The following SKA1 variants were observed in gnomAD, a reference collection of about 807,000 sequenced individuals.
SKA1 encodes the protein spindle and kinetochore associated complex subunit 1.
In SKA1, 20 loss-of-function variants were observed where a neutral mutation model predicts 31.8. That is an observed-to-expected ratio of 0.63 (90% confidence interval 0.44 to 0.91). The LOEUF is 0.91. Among genes scored for constraint, SKA1 ranks in the 40% least tolerant of loss-of-function variants. The pLI, the probability that SKA1 is intolerant of heterozygous loss-of-function variation, is 0.00. For missense variants in SKA1, 253 were observed against 298.2 expected (o/e 0.85, Z 1.12); for synonymous variants, 88 against 100.5 (o/e 0.88, Z 0.74).
Position 50,392,298 on chromosome 18 carries a change from A to C in SKA1, c.*51A>C. On this transcript the variant is annotated 3_prime_UTR_variant, in exon 7 of 7. Coordinates refer to ENST00000285116, the MANE Select transcript of SKA1 (RefSeq NM_145060.4). ...CAACAGGGTATAGAGTATAGAGGCTATTTCTATAATTTTCTTATATATAAT... is the reference window on the plus strand; with the variant it reads ...CAACAGGGTATAGAGTATAGAGGCTCTTTCTATAATTTTCTTATATATAAT... 1 of 1,138,532 alleles carries C rather than the reference A, an allele frequency of 8.8e-7. No homozygotes were observed. Among genetic ancestry groups the C allele is most frequent in the African/African-American group, 1.6e-5 (1 of 61,658 alleles). The allele number at this position is 1,138,532 out of a possible 1,614,324, so 70.5% of individuals were successfully genotyped here. A position where few individuals can be genotyped will look rare whatever the true frequency, so the allele number is the denominator to read the frequency against.
Position 50,392,247 on chromosome 18 carries a change from A to T in SKA1, c.768A>T (p.Ter256CysextTer15). Residue 256 changes from the stop codon to cysteine (C), a stop_lost, in exon 7 of 7, where the codon TGA (stop) becomes TGT (cysteine). Coordinates refer to ENST00000285116, the MANE Select transcript of SKA1 (RefSeq NM_145060.4). ...GACTTACTCGTTATGTTATAACCTG[A>T]GTCCCTTGTGAACTTTTGAACATAC... ...GGGLTRYVIT[*>C] 6.4e-7 allele frequency: 1 copy of T among 1,551,164 alleles called. No homozygotes were observed. Among genetic ancestry groups the T allele is most frequent in the Non-Finnish European group, 8.7e-7 (1 of 1,153,910 alleles).
chr18:50,385,133 A>ATATTATTTTCAG (rs2041296480), intron 4 of SKA1, 83 bp from the exon 5 acceptor site: 2 of 1,132,066 alleles, frequency 1.8e-6, no homozygotes, highest in Admixed American at 5.0e-5. Flanking sequence ...TACGTATTTA[A>ATATTATTTTCAG]TATTATTTTC....
At chr18:50,382,019 C>A in intron 3 of SKA1, 110 bp from the exon 4 acceptor site, 1 of 695,724 alleles carries the variant, frequency 1.4e-6, no homozygotes, top group Non-Finnish European at 2.4e-6. Context: ...GCCACCGCGT[C>A]CAGCCACAGT....
At chr18:50,382,060 C>A in intron 3 of SKA1, 69 bp from the exon 4 acceptor site, 1 of 948,032 alleles carries the variant, frequency 1.1e-6, no homozygotes, top group Non-Finnish European at 1.6e-6. Context: ...GTTTTCCCTG[C>A]TCTTTAGAAT....
At chr18:50,376,043 T>C (rs1226954510) in intron 2 of SKA1, 125 bp downstream of exon 2, 27 of 584,952 alleles carry the variant, frequency 4.6e-5, no homozygotes, top group African/African-American at 7.6e-5. Context: ...TGCATAACGA[T>C]TTTTTAAATA....
At chr18:50,376,155 G>A (rs1347271330) in intron 2 of SKA1, among the ~76,000 whole-genome samples, 1 of 152,168 alleles carries the variant, frequency 6.6e-6, no homozygotes, top group East Asian at 1.9e-4. Context: ...GTTTTTCTGA[G>A]ACACATAGGC....
Position 50,391,213 on chromosome 18 carries a change from A to G in SKA1, c.539A>G (p.His180Arg), listed in dbSNP as rs1599732524. The G allele has an allele frequency of 4.4e-6, 7 of 1,606,876 alleles. No individual in the cohort carries two copies. The highest frequency in any genetic ancestry group is 5.9e-6 in the Non-Finnish European group (7 of 1,178,244). Residue 180 changes from histidine (H) to arginine (R), a missense_variant, in exon 6 of 7, where the codon CAT becomes CGT. By Grantham distance (29) the His-to-Arg change is conservative. Coordinates refer to ENST00000285116, the MANE Select transcript of SKA1 (RefSeq NM_145060.4). ...GTAATTAGTAAATATAAAATCCTAC[A>G]TCAGCCAAAAAAGTCTATGAATTCT... ...KAVISKYKIL[H>R]QPKKSMNSVT...
chr18:50,389,369 AC>A (rs2041337515), intron 5 of SKA1, among the ~76,000 whole-genome samples: 1 of 85,932 alleles, frequency 1.2e-5, no homozygotes, highest in African/African-American at 5.0e-5. Flanking sequence ...CATTTCCTTT[AC>A]CTTTCTTTTT....
chr18:50,382,764 G>T (rs2149320611), intron 4 of SKA1, among the ~76,000 whole-genome samples: 1 of 152,288 alleles, frequency 6.6e-6, no homozygotes, highest in South Asian at 2.1e-4. Flanking sequence ...TGGGCACAGT[G>T]GCTCACGCCT....
rs1219573330 is a variant in SKA1 at position 50,392,487 on chromosome 18, G to A, written c.*240G>A. Reference sequence around the variant, plus strand: ...AGGCTCAAGTGATCCTCCCACCTCAGCCCCCTGAATGGCTGGGACTACAAG... The same window carrying A: ...AGGCTCAAGTGATCCTCCCACCTCAACCCCCTGAATGGCTGGGACTACAAG... On this transcript the variant is annotated 3_prime_UTR_variant, in exon 7 of 7. Transcript: ENST00000285116. 2 of 262,366 alleles carry A rather than the reference G, an allele frequency of 7.6e-6. No individual in the cohort carries two copies. The highest frequency in any genetic ancestry group is 2.2e-5 in the African/African-American group (1 of 44,946). 16.3% of individuals were successfully genotyped at this position (262,366 alleles called of 1,614,324 possible).
chr18:50,380,344 T>G (rs2041253655), intron 3 of SKA1, 94 bp downstream of exon 3: 2 of 1,331,558 alleles, frequency 1.5e-6, no homozygotes, highest in Non-Finnish European at 2.0e-6. Context: ...GTTTATAATG[T>G]TTTTTGTTTA....
Position 50,392,528 on chromosome 18 carries a change from C to T in SKA1, c.*281C>T, listed in dbSNP as rs369695732. 1.7e-4 allele frequency: 33 copies of T among 199,030 alleles called. No homozygotes were observed. In the South Asian group the frequency reaches 5.9e-3, roughly 35 times the overall value. 12.3% of individuals were successfully genotyped at this position (199,030 alleles called of 1,614,324 possible). On this transcript the variant is annotated 3_prime_UTR_variant, in exon 7 of 7. Transcript: ENST00000285116. ...GGACTACAAGCGTGCGCCACCATGC[C>T]TGGCTAATTTTTGTATTTTTTGGAG...
chr18:50,385,905 T>C (rs1344370313), intron 5 of SKA1, among the ~76,000 whole-genome samples: 1 of 152,230 alleles, frequency 6.6e-6, no homozygotes, highest in African/African-American at 2.4e-5. Context: ...TTCCAGGGCT[T>C]TGCTAAACTT....
intron 3 of SKA1, 91 bp downstream of exon 3, chr18:50,380,341 A>G (rs1371304256): frequency 7.4e-7 from 1 of 1,342,338 alleles, no homozygotes; most frequent in Non-Finnish European, 9.9e-7. Context: ...TTTGTTTATA[A>G]TGTTTTTTGT....
In SKA1 at chr18:50,392,371, C is replaced by T; in HGVS notation, c.*124C>T. Reference sequence around the variant, plus strand: ...TGTTTCCTTTTTTTTTTTTTTGAGACAGGATCTTGCTTTGTCACCCAGGGG... The same window carrying T: ...TGTTTCCTTTTTTTTTTTTTTGAGATAGGATCTTGCTTTGTCACCCAGGGG... On this transcript the variant is annotated 3_prime_UTR_variant, in exon 7 of 7. Transcript: ENST00000285116. 1 of 571,452 alleles carries T rather than the reference C, an allele frequency of 1.7e-6. No individual in the cohort carries two copies. Among genetic ancestry groups the T allele is most frequent in the Admixed American group, 4.8e-5 (1 of 20,970 alleles). The allele number at this position is 571,452 out of a possible 1,614,324, so 35.4% of individuals were successfully genotyped here. A position where few individuals can be genotyped will look rare whatever the true frequency, so the allele number is the denominator to read the frequency against.
At chr18:50,384,262 A>ACC in intron 4 of SKA1, among the ~76,000 whole-genome samples, 1 of 152,330 alleles carries the variant, frequency 6.6e-6, no homozygotes, top group East Asian at 1.9e-4. Context: ...TATAAGAAAT[A>ACC]TTACAGGTAT....
At position 50,392,443 on chromosome 18, in the gene SKA1, A is replaced by G. The variant is rs2149324415; in HGVS notation, c.*196A>G. 6.1e-6 allele frequency: 2 copies of G among 330,416 alleles called. No individual in the cohort carries two copies. Among genetic ancestry groups the G allele is most frequent in the South Asian group, 3.0e-4 (2 of 6,612 alleles). The allele number at this position is 330,416 out of a possible 1,614,324, so 20.5% of individuals were successfully genotyped here. A position where few individuals can be genotyped will look rare whatever the true frequency, so the allele number is the denominator to read the frequency against. ...GAGTGCAGTGGCGCAAACATGGCTC[A>G]CTGCAGCCTCAACCTCCCAGGCTCA... On this transcript the variant is annotated 3_prime_UTR_variant, in exon 7 of 7. Coordinates refer to ENST00000285116, the MANE Select transcript of SKA1 (RefSeq NM_145060.4).
At chr18:50,376,920 T>C (rs2041221717) in intron 2 of SKA1, among the ~76,000 whole-genome samples, 1 of 152,102 alleles carries the variant, frequency 6.6e-6, no homozygotes, top group Non-Finnish European at 1.5e-5. Context: ...GTCTTCCACA[T>C]TCACATCTTG....
At chr18:50,375,506 A>G (rs2041207053) in intron 1 of SKA1, among the ~76,000 whole-genome samples, 1 of 152,196 alleles carries the variant, frequency 6.6e-6, no homozygotes, top group African/African-American at 2.4e-5. Flanking sequence ...TTGCGTGTTT[A>G]AAGAAAATAC....
Sources: allele counts gnomAD v4.1 joint callset (sites outside exome capture counted in the v4.1 genomes callset), GRCh38; gene constraint gnomAD v4.1.1; transcripts MANE v1.5; gene names NCBI Gene and HGNC (gene_info 2026-07-23, HGNC 2026-07-21).